The following RAB14 variants were observed in gnomAD, a reference collection of about 807,000 sequenced individuals.
RAB14 encodes the protein ras-related protein Rab-14.
RAB14 carries 3 observed loss-of-function variants against 31.1 expected under a neutral mutation model. The observed-to-expected ratio is 0.10, with a 90% CI of 0.04 to 0.25. The LOEUF is 0.25. RAB14 is among the 10% of genes least tolerant of loss of function. The pLI is 1.00. For missense variants in RAB14, 111 were observed against 260.1 expected (o/e 0.43, Z 3.94); for synonymous variants, 85 against 84.9 (o/e 1.00, Z 0.00).
At chr9:121,195,240 C>A (rs1267301499) in intron 1 of RAB14, among the ~76,000 whole-genome samples, 1 of 152,110 alleles carries the variant, frequency 6.6e-6, no homozygotes, top group East Asian at 1.9e-4. Flanking sequence ...AACTTGAATT[C>A]TTCCGACTCT....
In RAB14 at chr9:121,181,211, G is replaced by A; in HGVS notation, c.*185C>T. Reference sequence around the variant, plus strand: ...GAGATTTATTACTCTACTTGCCTTTGATAACCTGATTACATCTAGTTGTTT... The same window carrying A: ...GAGATTTATTACTCTACTTGCCTTTAATAACCTGATTACATCTAGTTGTTT... On this transcript the variant is annotated 3_prime_UTR_variant, in exon 8 of 8. Transcript: ENST00000373840. 1 of 534,796 alleles carries A rather than the reference G, an allele frequency of 1.9e-6. No homozygotes were observed. Among genetic ancestry groups the A allele is most frequent in the Non-Finnish European group, 3.0e-6 (1 of 333,952 alleles). The allele number at this position is 534,796 out of a possible 1,614,324, so 33.1% of individuals were successfully genotyped here.
At chr9:121,200,878 G>C (rs1004974335) in intron 1 of RAB14, among the ~76,000 whole-genome samples, 18 of 152,146 alleles carry the variant, frequency 1.2e-4, no homozygotes, top group Non-Finnish European at 7.4e-5. Context: ...ATATGTACCT[G>C]GCCCACAGTT....
intron 4 of RAB14, among the ~76,000 whole-genome samples, chr9:121,188,928 G>A (rs1535657): frequency 0.7 from 106,196 of 151,860 alleles, 37,593 homozygotes; most frequent in East Asian, 0.96. Context: ...CATCACCCCA[G>A]AGAGAAACTC....
At chr9:121,198,463 C>T (rs955520048) in intron 1 of RAB14, among the ~76,000 whole-genome samples, 1 of 152,218 alleles carries the variant, frequency 6.6e-6, no homozygotes, top group Non-Finnish European at 1.5e-5. Flanking sequence ...AGCTATTCTA[C>T]TCCTTAGAAC....
At chr9:121,201,208 G>C (rs1055177576) in intron 1 of RAB14, among the ~76,000 whole-genome samples, 1 of 152,308 alleles carries the variant, frequency 6.6e-6, no homozygotes, top group East Asian at 1.9e-4. Context: ...CCACGTCTGG[G>C]GCTTGCGGGC....
chr9:121,189,950 G>A (rs1398880945), intron 4 of RAB14, among the ~76,000 whole-genome samples: 1 of 152,060 alleles, frequency 6.6e-6, no homozygotes, highest in African/African-American at 2.4e-5. Context: ...AAACCTTTAT[G>A]TACAGTAGTT....
intron 4 of RAB14, among the ~76,000 whole-genome samples, chr9:121,187,278 C>T (rs892520885): frequency 6.6e-6 from 1 of 151,944 alleles, no homozygotes; most frequent in African/African-American, 2.4e-5. Flanking sequence ...TAAAAGCATA[C>T]CGTAAACAGA....
chr9:121,188,282 T>C (rs1253450608), intron 4 of RAB14, among the ~76,000 whole-genome samples: 3 of 151,958 alleles, frequency 2.0e-5, no homozygotes, highest in Non-Finnish European at 4.4e-5. Context: ...ACAGGTATGT[T>C]TTACTACTTC....
At chr9:121,199,860 T>C (rs1217941943) in intron 1 of RAB14, among the ~76,000 whole-genome samples, 2 of 152,206 alleles carry the variant, frequency 1.3e-5, no homozygotes, top group African/African-American at 4.8e-5. Context: ...AATGGAGAGC[T>C]AGAATTAAGG....
At chr9:121,183,207 C>G in intron 6 of RAB14, 104 bp downstream of exon 6, 1 of 918,866 alleles carries the variant, frequency 1.1e-6, no homozygotes, top group Non-Finnish European at 1.7e-6. Context: ...ATTTCTGAGT[C>G]TGCATTTAAA....
At chr9:121,195,245 G>A (rs907040120) in intron 1 of RAB14, among the ~76,000 whole-genome samples, 2 of 151,960 alleles carry the variant, frequency 1.3e-5, no homozygotes, top group Non-Finnish European at 2.9e-5. Context: ...GAATTCTTCC[G>A]ACTCTTCTAA....
At chr9:121,194,581 CA>C (rs759884401) in intron 1 of RAB14, among the ~76,000 whole-genome samples, 2 of 151,962 alleles carry the variant, frequency 1.3e-5, no homozygotes, top group African/African-American at 2.4e-5. Context: ...CAGCTTAAGA[CA>C]AAAATTATTT....
At chr9:121,186,420 T>A (rs2053659447) in intron 5 of RAB14, among the ~76,000 whole-genome samples, 1 of 152,188 alleles carries the variant, frequency 6.6e-6, no homozygotes, top group Non-Finnish European at 1.5e-5. Flanking sequence ...TCTAGCATGG[T>A]GGCTAGCCTT....
At chr9:121,193,960 A>C (rs2053700251) in intron 1 of RAB14, among the ~76,000 whole-genome samples, 1 of 152,160 alleles carries the variant, frequency 6.6e-6, no homozygotes, top group Admixed American at 6.6e-5. Flanking sequence ...CGCAAAGAGC[A>C]ATCGTATGAT....
At position 121,181,198 on chromosome 9, in the gene RAB14, T is replaced by C; in HGVS notation, c.*198A>G. Reference sequence around the variant, plus strand: ...TTACCATGCAGGAGAGATTTATTACTCTACTTGCCTTTGATAACCTGATTA... The same window carrying C: ...TTACCATGCAGGAGAGATTTATTACCCTACTTGCCTTTGATAACCTGATTA... On this transcript the variant is annotated 3_prime_UTR_variant, in exon 8 of 8. Transcript: ENST00000373840. 2.1e-6 allele frequency: 1 copy of C among 466,634 alleles called. No individual in the cohort carries two copies. The highest frequency in any genetic ancestry group is 3.6e-6 in the Non-Finnish European group (1 of 277,716). 28.9% of individuals were successfully genotyped at this position (466,634 alleles called of 1,614,324 possible). A position where few individuals can be genotyped will look rare whatever the true frequency, so the allele number is the denominator to read the frequency against.
At chr9:121,189,636 A>C (rs1564320267) in intron 4 of RAB14, among the ~76,000 whole-genome samples, 1 of 152,172 alleles carries the variant, frequency 6.6e-6, no homozygotes, top group Non-Finnish European at 1.5e-5. Context: ...ACACCAAATT[A>C]AATAAAGTCA....
At chr9:121,199,372 C>A (rs1373460300) in intron 1 of RAB14, among the ~76,000 whole-genome samples, 1 of 152,118 alleles carries the variant, frequency 6.6e-6, no homozygotes, top group Admixed American at 6.5e-5. Context: ...AAGTACAGTA[C>A]CTCTAATACT....
At chr9:121,192,892 CT>C (rs2053694737) in intron 2 of RAB14, among the ~76,000 whole-genome samples, 1 of 151,964 alleles carries the variant, frequency 6.6e-6, no homozygotes, top group Non-Finnish European at 1.5e-5. Context: ...AGCATTAAGA[CT>C]TAATTTGAGC....
intron 1 of RAB14, among the ~76,000 whole-genome samples, chr9:121,195,692 G>T (rs1220375003): frequency 6.6e-6 from 1 of 151,884 alleles, no homozygotes; most frequent in Non-Finnish European, 1.5e-5. Context: ...CATTTTTCTT[G>T]CTCGTTTCTT....
Sources: gnomAD v4.1 joint callset for allele counts (sites outside exome capture counted in the v4.1 genomes callset) on GRCh38, gnomAD v4.1.1 for gene constraint, MANE v1.5 for transcripts, NCBI Gene and HGNC (gene_info 2026-07-23, HGNC 2026-07-21) for gene names.